Variants in SLTM observed in about 807,000 individuals in gnomAD.
SLTM encodes the protein SAFB like transcription modulator.
Under a neutral mutation model 134.6 loss-of-function variants are expected in SLTM, and 43 were observed. The observed-to-expected ratio is 0.32, with a 90% CI of 0.25 to 0.41. The LOEUF is 0.41. Among genes scored for constraint, SLTM ranks in the 10% least tolerant of loss-of-function variants. The pLI, the probability that SLTM is intolerant of heterozygous loss-of-function variation, is 1.00. For missense variants in SLTM, 1,055 were observed against 1,288.8 expected (o/e 0.82, Z 2.78); for synonymous variants, 424 against 432.3 (o/e 0.98, Z 0.24).
chr15:58,889,382 G>A (rs1352716097), intron 16 of SLTM, 48 bp downstream of exon 16: 12 of 1,606,866 alleles, frequency 7.5e-6, no homozygotes, highest in Non-Finnish European at 1.0e-5. Flanking sequence ...TAGCCTAAAG[G>A]GAATAAAACA....
chr15:58,889,634 C>T, intron 15 of SLTM, 80 bp from the exon 16 acceptor site: 6 of 1,551,552 alleles, frequency 3.9e-6, no homozygotes, highest in Non-Finnish European at 5.2e-6. Context: ...TTGTTTTAAT[C>T]CTGTTGCTAA....
At chr15:58,884,131 C>A (rs1214372185) in intron 19 of SLTM, among the ~76,000 whole-genome samples, 4 of 151,736 alleles carry the variant, frequency 2.6e-5, no homozygotes, top group Non-Finnish European at 5.9e-5. Flanking sequence ...TCACAATACC[C>A]TCAGTCTTGG....
intron 20 of SLTM, chr15:58,883,379 A>G (rs2033901074): frequency 4.1e-6 from 2 of 486,326 alleles, no homozygotes; most frequent in Non-Finnish European, 7.5e-6. Flanking sequence ...ATACGTACAT[A>G]CCCATATCTA....
intron 5 of SLTM, among the ~76,000 whole-genome samples, chr15:58,905,957 G>C (rs1567133803): frequency 6.6e-6 from 1 of 152,128 alleles, no homozygotes; most frequent in Non-Finnish European, 1.5e-5. Flanking sequence ...CCAGCTTCTA[G>C]AAAACAAAAC....
chr15:58,894,416 CAGTT>C lies in SLTM; in HGVS notation c.1377+13_1377+16del, dbSNP rs751253257. 1.5e-5 allele frequency: 25 copies of C among 1,613,878 alleles called. No individual in the cohort carries two copies. The highest frequency in any genetic ancestry group is 5.0e-5 in the Admixed American group (3 of 60,002). ...ATCAAATTAGACTTGCTTTGATAAA[CAGTT>C]AGGGAAGCTTACTTTTTCAACAGAA... is the stretch of plus-strand genomic sequence containing the variant. On this transcript the variant is annotated intron_variant, in intron 10 of 20. Coordinates refer to ENST00000380516, the MANE Select transcript of SLTM (RefSeq NM_024755.4).
chr15:58,882,665 G>A (rs1317947191), intron 20 of SLTM, among the ~76,000 whole-genome samples: 3 of 152,258 alleles, frequency 2.0e-5, no homozygotes, highest in Non-Finnish European at 4.4e-5. Flanking sequence ...TGTGCAGGCA[G>A]AAGTAGCACA....
At chr15:58,929,362 C>T (rs1458435446) in intron 2 of SLTM, among the ~76,000 whole-genome samples, 2 of 151,934 alleles carry the variant, frequency 1.3e-5, no homozygotes, top group African/African-American at 4.8e-5. Context: ...GCAGGAGAAT[C>T]GCTTGAAACC....
intron 8 of SLTM, 110 bp from the exon 9 acceptor site, chr15:58,897,343 A>AT (rs2035168300): frequency 3.2e-6 from 2 of 629,874 alleles, no homozygotes; most frequent in Admixed American, 2.7e-5. Flanking sequence ...TGACGTTACT[A>AT]TATCAAAATC....
chr15:58,894,148 C>A lies in SLTM; in HGVS notation c.1423G>T (p.Glu475Ter). The change falls in exon 11 of 21, where the codon GAA becomes TAA. Residue 475 changes from glutamate to a stop codon, truncating the protein, a stop_gained. Coordinates refer to ENST00000380516, the MANE Select transcript of SLTM (RefSeq NM_024755.4). LOFTEE classifies it high-confidence loss of function. ...SKKEMKKEND[E>*]KSSSRSSGDK... is the part of the protein sequence containing the mutation. ...CCAGAACTTCTTGAACTACTCTTTT[C>A]ATCATTTTCTTTCTTCATTTCTTTC... 1 of 1,612,084 alleles carries A rather than the reference C, an allele frequency of 6.2e-7. No individual in the cohort carries two copies. The highest frequency in any genetic ancestry group is 8.5e-7 in the Non-Finnish European group (1 of 1,179,154).
At chr15:58,912,653 G>A (rs763014068) in intron 4 of SLTM, 43 bp from the exon 5 acceptor site, 42 of 1,508,300 alleles carry the variant, frequency 2.8e-5, no homozygotes, top group Middle Eastern at 3.4e-4. Context: ...ATAAAATATC[G>A]GGGTAACGTG....
At chr15:58,894,023 G>A (rs2034874733) in intron 11 of SLTM, 36 bp from the exon 12 acceptor site, 5 of 1,601,508 alleles carry the variant, frequency 3.1e-6, no homozygotes, top group Non-Finnish European at 3.4e-6. Context: ...AACAGAATGA[G>A]TACTTCATAA....
chr15:58,885,939 C>G (rs1022925223), intron 19 of SLTM, among the ~76,000 whole-genome samples: 4 of 152,162 alleles, frequency 2.6e-5, no homozygotes, highest in African/African-American at 4.8e-5. Flanking sequence ...AACTGTGCTA[C>G]TATCAACCCA....
intron 2 of SLTM, among the ~76,000 whole-genome samples, chr15:58,931,721 T>C (rs2037893466): frequency 6.6e-6 from 1 of 152,224 alleles, no homozygotes; most frequent in Non-Finnish European, 1.5e-5. Context: ...CACTAAATCA[T>C]TATATCCTAG....
At chr15:58,881,400 C>T (rs542537920) in intron 20 of SLTM, among the ~76,000 whole-genome samples, 2 of 151,926 alleles carry the variant, frequency 1.3e-5, no homozygotes, top group Admixed American at 6.6e-5. Context: ...TGGTGGCACA[C>T]GCTGTTGTCC....
intron 19 of SLTM, among the ~76,000 whole-genome samples, chr15:58,884,736 A>G (rs2034042231): frequency 6.6e-6 from 1 of 151,960 alleles, no homozygotes; most frequent in Non-Finnish European, 1.5e-5. Flanking sequence ...GGCTCAAGCA[A>G]TTCTCCTGCT....
In SLTM at chr15:58,887,465, T is replaced by C; in HGVS notation, c.2451A>G (p.Glu817=). 1.2e-6 allele frequency: 2 copies of C among 1,614,164 alleles called. No individual in the cohort carries two copies. Among genetic ancestry groups the C allele is most frequent in the African/African-American group, 2.7e-5 (2 of 75,050 alleles). ...PTARREDPSF[E]RYPKNFSDSR... is the part of the protein sequence containing the mutation. ...AGTCACTGAAATTTTTGGGATATCTTTCGAAGCTTGGATCTTCCCTTCGTG... is the reference window on the plus strand; with the variant it reads ...AGTCACTGAAATTTTTGGGATATCTCTCGAAGCTTGGATCTTCCCTTCGTG... The change falls in exon 18 of 21, where the codon GAA becomes GAG. Residue 817 remains glutamate (E), a synonymous_variant. Coordinates refer to ENST00000380516, the MANE Select transcript of SLTM (RefSeq NM_024755.4).
At chr15:58,893,703 C>T in intron 12 of SLTM, 118 bp downstream of exon 12, 1 of 1,112,862 alleles carries the variant, frequency 9.0e-7, no homozygotes, top group Non-Finnish European at 1.3e-6. Flanking sequence ...CCTTTCCTAC[C>T]ACAATGACAC....
chr15:58,917,031 A>G (rs1168254955), intron 2 of SLTM, 32 bp from the exon 3 acceptor site: 3 of 1,600,718 alleles, frequency 1.9e-6, no homozygotes, highest in Non-Finnish European at 1.7e-6. Context: ...CTAACAACCA[A>G]TATTTTATTA....
rs200532984 is a variant in SLTM at position 58,886,967 on chromosome 15, G to T, written c.2835+8C>A. The T allele has an allele frequency of 8.9e-5, 143 of 1,612,086 alleles. No homozygotes were observed. In the African/African-American group the frequency reaches 1.7e-3, roughly 19 times the overall value. On this transcript the variant is annotated splice_region_variant and intron_variant, in intron 19 of 20. Coordinates refer to ENST00000380516, the MANE Select transcript of SLTM (RefSeq NM_024755.4). ...GCAGGCTCGCGGCAAGCCTCCCGCA[G>T]CACTTACCTGTGATCCACCTCCTCG...
Sources: gnomAD v4.1 joint callset for allele counts (sites outside exome capture counted in the v4.1 genomes callset) on GRCh38, gnomAD v4.1.1 for gene constraint, MANE v1.5 for transcripts, NCBI Gene and HGNC (gene_info 2026-07-23, HGNC 2026-07-21) for gene names.